Variants in B4GALNT3 observed in about 807,000 individuals in gnomAD.
B4GALNT3 encodes the protein beta-1,4-N-acetyl-galactosaminyltransferase 3.
B4GALNT3 carries 86 observed loss-of-function variants against 120.2 expected under a neutral mutation model. The ratio of observed to expected loss-of-function variants is 0.72; its 90% CI spans 0.60 to 0.86. B4GALNT3 has a LOEUF of 0.86. Ranked by LOEUF, B4GALNT3 falls within the 40% of genes least tolerant of loss-of-function variation. B4GALNT3 has a pLI of 0.00. For missense variants in B4GALNT3, 1,167 were observed against 1,298.9 expected (o/e 0.90, Z 1.56); for synonymous variants, 518 against 510.4 (o/e 1.01, Z -0.20).
chr12:492,055 CAA>C (rs55702729), intron 1 of B4GALNT3, among the ~76,000 whole-genome samples: 2 of 131,964 alleles, frequency 1.5e-5, no homozygotes, highest in Non-Finnish European at 1.6e-5. Context: ...GAGACCGTCT[CAA>C]AAAAAAAAAA....
intron 1 of B4GALNT3, among the ~76,000 whole-genome samples, chr12:465,192 G>A (rs1283004097): frequency 6.6e-6 from 1 of 152,110 alleles, no homozygotes; most frequent in Non-Finnish European, 1.5e-5. Flanking sequence ...CTTTTCACGT[G>A]GTTTACCTCT....
At position 553,447 on chromosome 12, in the gene B4GALNT3, G is replaced by A. The variant is rs1947108395; in HGVS notation, c.1524G>A (p.Val508=). ...CAGGGAGGACCAGCCACATTCCAGT[G>A]CAGCAGCCAGAGAAGAGGAAGCAAA... is the stretch of plus-strand genomic sequence containing the variant. ...SFPGRTSHIP[V]QQPEKRKQKP... is the part of the protein sequence containing the mutation. The change falls in exon 14 of 20, where the codon GTG becomes GTA. Residue 508 remains valine, a synonymous_variant. Coordinates refer to ENST00000266383, the MANE Select transcript of B4GALNT3 (RefSeq NM_173593.4). 6.2e-7 allele frequency: 1 copy of A among 1,614,142 alleles called. No homozygotes were observed. The highest frequency in any genetic ancestry group is 1.7e-5 in the Admixed American group (1 of 60,030).
chr12:460,876 A>G lies in B4GALNT3; in HGVS notation c.169+331A>G, dbSNP rs1382273412. ...ACGCTGGCGGAGACCGGGCCCCTCC[A>G]GCCGCTCCGGGCTTGCGGTTCCCGG... On this transcript the variant is annotated intron_variant, in intron 1 of 19. Coordinates refer to ENST00000266383, the MANE Select transcript of B4GALNT3 (RefSeq NM_173593.4). The surrounding 1 kb of genome is among the most constrained non-coding windows in gnomAD (Gnocchi z 8.0). Among the ~76,000 whole-genome samples the G allele has an allele frequency of 6.6e-6, 1 of 151,756 alleles. No individual in the cohort carries two copies. The highest frequency in any genetic ancestry group is 2.4e-5 in the African/African-American group (1 of 41,262).
chr12:512,297 C>T (rs1946589297), intron 1 of B4GALNT3, among the ~76,000 whole-genome samples: 1 of 131,788 alleles, frequency 7.6e-6, no homozygotes, highest in Non-Finnish European at 1.5e-5. Context: ...CCACCTTCTT[C>T]CACCTTCCAC....
chr12:558,239 G>C (rs1947182844), intron 17 of B4GALNT3, 151 bp downstream of exon 17: 1 of 913,370 alleles, frequency 1.1e-6, no homozygotes, highest in African/African-American at 1.7e-5. Context: ...GCCAGTGCTA[G>C]GGTGGGACCA....
chr12:554,680 C>T (rs1352919586), intron 14 of B4GALNT3, among the ~76,000 whole-genome samples: 2 of 146,596 alleles, frequency 1.4e-5, no homozygotes, highest in Non-Finnish European at 3.0e-5. Context: ...GTCCCAGCTA[C>T]TCGGGAGGCT....
intron 1 of B4GALNT3, among the ~76,000 whole-genome samples, chr12:508,883 G>T (rs1946521524): frequency 6.6e-6 from 1 of 152,208 alleles, no homozygotes; most frequent in African/African-American, 2.4e-5. Flanking sequence ...TTTCAGTAAG[G>T]AGCCAGGGAA....
rs1278168353 is a variant in B4GALNT3 at position 556,928 on chromosome 12, C to CCA, written c.2380+65_2380+66dup. On this transcript the variant is annotated intron_variant, in intron 15 of 19. Coordinates refer to ENST00000266383, the MANE Select transcript of B4GALNT3 (RefSeq NM_173593.4). ...GGGGTCCTCACACTGTCAGGAGCAC[C>CCA]CACATCTGCTTGCACTGATTTGATC... 53 of 1,510,434 alleles carry CCA rather than the reference C, an allele frequency of 3.5e-5. No homozygotes were observed. The South Asian group carries it at 5.4e-4, about 15-fold the overall frequency. 93.6% of individuals were successfully genotyped at this position (1,510,434 alleles called of 1,614,324 possible).
intron 1 of B4GALNT3, among the ~76,000 whole-genome samples, chr12:514,137 G>A (rs1285105246): frequency 6.6e-6 from 1 of 151,682 alleles, no homozygotes; most frequent in African/African-American, 2.4e-5. Context: ...ATTCTCACCA[G>A]CCATGTATGA....
chr12:548,245 C>T lies in B4GALNT3; in HGVS notation c.801C>T (p.Asp267=), dbSNP rs1260930504. The T allele has an allele frequency of 1.2e-6, 2 of 1,614,114 alleles. No homozygotes were observed. The highest frequency in any genetic ancestry group is 2.2e-5 in the East Asian group (1 of 44,880). The part of the protein sequence containing the change: ...DHVEVAWRRN[D]PGAKFTIIDS... ...TCCTCTTCCAGTGGCGACGGAACGA[C>T]CCTGGAGCCAAGTTCACCATCATTG... The change falls in exon 9 of 20, where the codon GAC becomes GAT. Residue 267 remains aspartate (D), a synonymous_variant. Transcript: ENST00000266383. The surrounding 1 kb of genome is among the most constrained non-coding windows in gnomAD (Gnocchi z 4.9).
intron 1 of B4GALNT3, among the ~76,000 whole-genome samples, chr12:496,249 T>C (rs1300886066): frequency 3.9e-5 from 6 of 152,130 alleles, no homozygotes; most frequent in Admixed American, 3.9e-4. Flanking sequence ...CTGGGCTCCC[T>C]GGATGTCTTC....
chr12:460,024 G>A lies in B4GALNT3; in HGVS notation c.-353G>A, dbSNP rs1405102035. On this transcript the variant is annotated 5_prime_UTR_variant, in exon 1 of 20. Transcript: ENST00000266383. The surrounding 1 kb of genome is among the most constrained non-coding windows in gnomAD (Gnocchi z 8.0). ...GGCGGAGGCAGGCGGGCGGGCGCCGGGGAAGCCTCCTTCTGGGCAGCGAGT... is the reference window on the plus strand; with the variant it reads ...GGCGGAGGCAGGCGGGCGGGCGCCGAGGAAGCCTCCTTCTGGGCAGCGAGT... Among the ~76,000 whole-genome samples, 1 of 151,106 alleles carries A rather than the reference G, an allele frequency of 6.6e-6. No individual in the cohort carries two copies. Among genetic ancestry groups the A allele is most frequent in the Non-Finnish European group, 1.5e-5 (1 of 67,570 alleles).
rs1436286804 is a variant in B4GALNT3 at position 544,929 on chromosome 12, C to A, written c.495C>A (p.Asn165Lys). ...TTGCTGTGTCCCCCAAATGGACCAACTATGGCCTCCGCATCTTTGGCTACC... is the reference window on the plus strand; with the variant it reads ...TTGCTGTGTCCCCCAAATGGACCAAATATGGCCTCCGCATCTTTGGCTACC... ...RKLAVSPKWT[N>K]YGLRIFGYLH... The change falls in exon 5 of 20, where the codon AAC becomes AAA. Residue 165 changes from asparagine (N) to lysine (K), a missense_variant. Asn to Lys is a moderately conservative substitution (Grantham distance 94). Around this residue, in one of 3 missense-constraint regions of B4GALNT3, gnomAD observed 983 missense variants for 1,102.5 expected, o/e 0.89. Coordinates refer to ENST00000266383, the MANE Select transcript of B4GALNT3 (RefSeq NM_173593.4). 5.6e-6 allele frequency: 9 copies of A among 1,614,072 alleles called. No homozygotes were observed. Among genetic ancestry groups the A allele is most frequent in the Non-Finnish European group, 7.6e-6 (9 of 1,180,000 alleles).
chr12:492,895 T>C (rs1079792), intron 1 of B4GALNT3, among the ~76,000 whole-genome samples: 1 of 140,552 alleles, frequency 7.1e-6, no homozygotes, highest in African/African-American at 2.5e-5. Flanking sequence ...GGTGCACATA[T>C]GCAAAAAAAA....
rs1391531032 is a variant in B4GALNT3, at chr12:548,377, G to T, written c.853+80G>T. 1.5e-6 allele frequency: 2 copies of T among 1,361,216 alleles called. No homozygotes were observed. Among genetic ancestry groups the T allele is most frequent in the Non-Finnish European group, 1.0e-6 (1 of 957,222 alleles). 84.3% of individuals were successfully genotyped at this position (1,361,216 alleles called of 1,614,324 possible). A position where few individuals can be genotyped will look rare whatever the true frequency, so the allele number is the denominator to read the frequency against. Reference sequence around the variant, plus strand: ...CCTGGGGGATTTGGCAGGGGAGGAGGGGAGGAGGGGAGGAAGGAAGCTCGA... The same window carrying T: ...CCTGGGGGATTTGGCAGGGGAGGAGTGGAGGAGGGGAGGAAGGAAGCTCGA... On this transcript the variant is annotated intron_variant, in intron 9 of 19. Coordinates refer to ENST00000266383, the MANE Select transcript of B4GALNT3 (RefSeq NM_173593.4). This position sits in a 1 kb window ranked among gnomAD's most constrained non-coding sequence, Gnocchi z 4.9.
At chr12:497,877 T>G (rs1226553804) in intron 1 of B4GALNT3, among the ~76,000 whole-genome samples, 1 of 152,124 alleles carries the variant, frequency 6.6e-6, no homozygotes, top group African/African-American at 2.4e-5. Flanking sequence ...CTAGAAAGTG[T>G]TTTGATTCTT....
intron 1 of B4GALNT3, among the ~76,000 whole-genome samples, chr12:471,970 T>C (rs1565587367): frequency 6.6e-6 from 1 of 152,226 alleles, no homozygotes; most frequent in African/African-American, 2.4e-5. Context: ...AATATTTTGC[T>C]GTGGGTATTT....
intron 1 of B4GALNT3, among the ~76,000 whole-genome samples, chr12:483,278 T>G (rs1167368143): frequency 2.0e-5 from 3 of 152,170 alleles, no homozygotes; most frequent in African/African-American, 7.2e-5. Context: ...TAGCAATTGA[T>G]AAATATAGAA....
At position 553,632 on chromosome 12, in the gene B4GALNT3, C is replaced by T. The variant is rs926073115; in HGVS notation, c.1709C>T (p.Ala570Val). The T allele has an allele frequency of 1.2e-6, 2 of 1,613,894 alleles. No homozygotes were observed. Among genetic ancestry groups the T allele is most frequent in the Non-Finnish European group, 1.7e-6 (2 of 1,179,922 alleles). The change falls in exon 14 of 20, where the codon GCA becomes GTA. Residue 570 changes from alanine to valine, a missense_variant. By Grantham distance (64) the Ala-to-Val change is moderately conservative (BLOSUM62 0). Coordinates refer to ENST00000266383, the MANE Select transcript of B4GALNT3 (RefSeq NM_173593.4). ...CTGAACCAGGTGGAGTCGTACATCG[C>T]AGAGCAGAGACGGGGTGACAGGATG... ...QWLNQVESYI[A>V]EQRRGDRMRP...
Sources: gnomAD v4.1 joint callset for allele counts (sites outside exome capture counted in the v4.1 genomes callset) on GRCh38, gnomAD v4.1.1 for gene constraint, gnomAD v4.1.1 regional missense constraint, Gnocchi (gnomAD v3.1) non-coding constraint, MANE v1.5 for transcripts, NCBI Gene and HGNC (gene_info 2026-07-23, HGNC 2026-07-21) for gene names.